The following CDH13 variants were observed in gnomAD, a reference collection of about 807,000 sequenced individuals.
CDH13 encodes the protein cadherin 13.
A neutral mutation model predicts 63.8 loss-of-function variants in CDH13; 24 were observed. That is an observed-to-expected ratio of 0.38 (90% CI 0.27 to 0.53). The LOEUF (loss-of-function observed/expected upper bound fraction) is 0.53, where lower values mean the gene tolerates loss of function less well. Ranked by LOEUF, CDH13 falls within the 20% of genes least tolerant of loss-of-function variation. The pLI is 0.85. For synonymous variants in CDH13, 503 were observed against 355.3 expected (o/e 1.42, Z -4.67); for missense variants, 1,049 against 903.1 (o/e 1.16, Z -2.07).
intron 6 of CDH13, among the ~76,000 whole-genome samples, chr16:83,478,836 G>GA (rs374669824): frequency 0.39 from 44,058 of 111,892 alleles, 7,740 homozygotes; most frequent in Middle Eastern, 0.51. Context: ...TTGAAGATGA[G>GA]AAAAAAAAAA....
chr16:82,945,595 G>A lies in CDH13; in HGVS notation c.158-86415G>A, dbSNP rs113877245. 7.0e-4 allele frequency among the ~76,000 whole-genome samples: 106 copies of A among 152,042 alleles called. 1 individual carries two copies. Among genetic ancestry groups the A allele is most frequent in the African/African-American group, 2.1e-3 (88 of 41,488 alleles). ...AGGATTTTGTGTTTTTTTTCTTCGC[G>A]GTTGTTTAGTTTTGCTTTGGGTGAC... On this transcript the variant is annotated intron_variant, in intron 2 of 13. Coordinates refer to ENST00000567109, the MANE Select transcript of CDH13 (RefSeq NM_001257.5).
At chr16:83,460,250 T>C (rs897109857) in intron 6 of CDH13, among the ~76,000 whole-genome samples, 11 of 152,232 alleles carry the variant, frequency 7.2e-5, no homozygotes, top group African/African-American at 2.7e-4. Context: ...AATGCCAAGC[T>C]TTGGCAATAA....
intron 2 of CDH13, among the ~76,000 whole-genome samples, chr16:82,928,419 T>G (rs2042374330): frequency 6.6e-6 from 1 of 152,158 alleles, no homozygotes; most frequent in Admixed American, 6.5e-5. Context: ...CAATTAAAAT[T>G]TTGACACAGA....
intron 6 of CDH13, among the ~76,000 whole-genome samples, chr16:83,401,106 C>T (rs12600128): frequency 0.69 from 104,851 of 151,968 alleles, 36,350 homozygotes; most frequent in East Asian, 0.81. Flanking sequence ...TTTGGGAAGC[C>T]GAGGTGGGTG....
intron 6 of CDH13, among the ~76,000 whole-genome samples, chr16:83,408,089 G>A (rs921971790): frequency 2.6e-5 from 4 of 152,138 alleles, no homozygotes; most frequent in African/African-American, 7.2e-5. Flanking sequence ...TGGGGACAAC[G>A]TTCAGAATCC....
intron 5 of CDH13, among the ~76,000 whole-genome samples, chr16:83,290,604 G>A (rs1035816567): frequency 6.6e-6 from 1 of 152,112 alleles, no homozygotes; most frequent in African/African-American, 2.4e-5. Flanking sequence ...TGCAGTCTCA[G>A]GTATGTCTTT....
At chr16:83,701,662 A>T (rs865882861) in intron 10 of CDH13, among the ~76,000 whole-genome samples, 1 of 151,690 alleles carries the variant, frequency 6.6e-6, no homozygotes, top group Non-Finnish European at 1.5e-5. Context: ...CCACCCAACA[A>T]CCCCTGCGCC....
chr16:82,791,664 G>C (rs1330146636), intron 1 of CDH13, among the ~76,000 whole-genome samples: 1 of 152,176 alleles, frequency 6.6e-6, no homozygotes, highest in Non-Finnish European at 1.5e-5. Flanking sequence ...ATCCAGCAGG[G>C]TGTCCACTGT....
At chr16:83,602,383 G>A (rs140269626) in intron 7 of CDH13, 71 bp from the exon 8 acceptor site, 70 of 1,513,534 alleles carry the variant, frequency 4.6e-5, no homozygotes, top group South Asian at 2.0e-4. Flanking sequence ...CCAGCAACAC[G>A]CCTGCCACCT....
intron 6 of CDH13, among the ~76,000 whole-genome samples, chr16:83,383,796 G>A (rs2091618177): frequency 6.6e-6 from 1 of 152,134 alleles, no homozygotes; most frequent in African/African-American, 2.4e-5. Flanking sequence ...GCCCAACCCT[G>A]GATTGAGTGA....
chr16:83,521,932 G>A (rs1433492105), intron 7 of CDH13, among the ~76,000 whole-genome samples: 1 of 151,018 alleles, frequency 6.6e-6, no homozygotes, highest in African/African-American at 2.4e-5. Flanking sequence ...AGAGTGTAGA[G>A]TCTGCCCTTG....
intron 2 of CDH13, among the ~76,000 whole-genome samples, chr16:82,910,965 C>G (rs939536389): frequency 2.6e-5 from 4 of 152,114 alleles, no homozygotes; most frequent in African/African-American, 9.7e-5. Flanking sequence ...GAGCAATGCC[C>G]TCCGCCAGAA....
At chr16:83,163,021 G>A (rs1278110589) in intron 4 of CDH13, among the ~76,000 whole-genome samples, 1 of 152,074 alleles carries the variant, frequency 6.6e-6, no homozygotes, top group South Asian at 2.1e-4. Context: ...GGAGGTGATT[G>A]AATCATTGAG....
chr16:83,340,035 T>A (rs1209359567), intron 5 of CDH13, among the ~76,000 whole-genome samples: 1 of 152,160 alleles, frequency 6.6e-6, no homozygotes, highest in African/African-American at 2.4e-5. Flanking sequence ...ATCACCATTC[T>A]CTGTGACCTT....
chr16:82,924,151 G>T (rs1248413196), intron 2 of CDH13, among the ~76,000 whole-genome samples: 1 of 152,268 alleles, frequency 6.6e-6, no homozygotes, highest in East Asian at 1.9e-4. Flanking sequence ...AGAAAAACTA[G>T]TTATACATTG....
chr16:83,505,600 A>G (rs934532415), intron 7 of CDH13, among the ~76,000 whole-genome samples: 7 of 134,724 alleles, frequency 5.2e-5, no homozygotes, highest in South Asian at 2.3e-4. Flanking sequence ...CTGGAGTGCA[A>G]TGGTGGAATC....
chr16:83,118,080 C>T (rs1490469543), intron 3 of CDH13, among the ~76,000 whole-genome samples: 1 of 152,182 alleles, frequency 6.6e-6, no homozygotes, highest in Non-Finnish European at 1.5e-5. Context: ...GTGATGGAAG[C>T]AAGGCTGGAT....
At chr16:83,481,952 G>A (rs1424944380) in intron 6 of CDH13, among the ~76,000 whole-genome samples, 4 of 152,164 alleles carry the variant, frequency 2.6e-5, no homozygotes, top group Non-Finnish European at 5.9e-5. Flanking sequence ...AAGAGGAGAG[G>A]CACAGGCATC....
intron 6 of CDH13, among the ~76,000 whole-genome samples, chr16:83,452,699 T>C (rs1436067655): frequency 6.6e-6 from 1 of 152,174 alleles, no homozygotes; most frequent in Non-Finnish European, 1.5e-5. Context: ...AAAATAAACA[T>C]CTAAAAATAG....
Sources: gnomAD v4.1 joint callset for allele counts (sites outside exome capture counted in the v4.1 genomes callset) on GRCh38, gnomAD v4.1.1 for gene constraint, MANE v1.5 for transcripts, NCBI Gene and HGNC (gene_info 2026-07-23, HGNC 2026-07-21) for gene names.